The following PRPH2 variants were observed in gnomAD, a reference collection of about 807,000 sequenced individuals.
The protein encoded by PRPH2 is peripherin-2.
A neutral mutation model predicts 31.3 loss-of-function variants in PRPH2; 17 were observed. The observed-to-expected ratio is 0.54, with a 90% CI of 0.37 to 0.81. The LOEUF is 0.81. Among genes scored for constraint, PRPH2 ranks in the 40% least tolerant of loss-of-function variants. The pLI is 0.00. For synonymous variants in PRPH2, 165 were observed against 184.4 expected (o/e 0.89, Z 0.85); for missense variants, 430 against 439.7 (o/e 0.98, Z 0.20).
At chr6:42,706,539 A>G (rs1341657849) in intron 1 of PRPH2, among the ~76,000 whole-genome samples, 1 of 151,882 alleles carries the variant, frequency 6.6e-6, no homozygotes, top group Non-Finnish European at 1.5e-5. Flanking sequence ...CGAGACGCAG[A>G]GGTTGCAGTG....
Position 42,697,609 on chromosome 6 carries a change from A to G in PRPH2, c.*686T>C, listed in dbSNP as rs1231398995. On this transcript the variant is annotated 3_prime_UTR_variant, in exon 3 of 3. Transcript: ENST00000230381. ...CACTCCAGACTCAGTGACCGAGGGC[A>G]TGTGAATGGGACACAAAAGCAGGCC... 6.6e-6 allele frequency: 1 copy of G among 152,406 alleles called. No homozygotes were observed. The highest frequency in any genetic ancestry group is 2.4e-5 in the African/African-American group (1 of 41,436). 9.4% of individuals were successfully genotyped at this position (152,406 alleles called of 1,614,324 possible). A position where few individuals can be genotyped will look rare whatever the true frequency, so the allele number is the denominator to read the frequency against.
chr6:42,713,919 CAAAAAAAAAAAAAA>C (rs55805454), intron 1 of PRPH2, among the ~76,000 whole-genome samples: 933 of 38,188 alleles, frequency 0.024, 20 homozygotes, highest in African/African-American at 0.085. Context: ...GACTCCATCT[CAAAAAAAAAAAAAA>C]AAAAAAAAAA....
chr6:42,711,303 T>A (rs763323227), intron 1 of PRPH2, among the ~76,000 whole-genome samples: 14 of 152,224 alleles, frequency 9.2e-5, no homozygotes, highest in Non-Finnish European at 1.9e-4. Context: ...TCTCTACTCT[T>A]TATCAATTAT....
intron 1 of PRPH2, among the ~76,000 whole-genome samples, chr6:42,707,970 C>G (rs561021494): frequency 8.5e-5 from 13 of 152,334 alleles, no homozygotes; most frequent in Admixed American, 7.2e-4. Flanking sequence ...CCTCTGCTTC[C>G]TTATATTTGA....
intron 1 of PRPH2, among the ~76,000 whole-genome samples, chr6:42,719,173 T>C (rs1469617477): frequency 6.6e-6 from 1 of 151,890 alleles, no homozygotes; most frequent in East Asian, 1.9e-4. Flanking sequence ...CTTCCTTTTT[T>C]TTTTTTTTTC....
chr6:42,706,233 G>T (rs148280115), intron 1 of PRPH2, among the ~76,000 whole-genome samples: 3 of 151,848 alleles, frequency 2.0e-5, no homozygotes, highest in East Asian at 3.9e-4. Flanking sequence ...GTGAAACCCC[G>T]TCTCTACTAA....
At chr6:42,710,069 C>T (rs1464741911) in intron 1 of PRPH2, among the ~76,000 whole-genome samples, 2 of 152,186 alleles carry the variant, frequency 1.3e-5, no homozygotes, top group Non-Finnish European at 1.5e-5. Context: ...CACCTCGCCT[C>T]CCTGAGCCCC....
rs137853904 is a variant in PRPH2, at chr6:42,698,403, G to A, written c.933C>T (p.Ser311=). The A allele has an allele frequency of 3.0e-5, 48 of 1,613,804 alleles. No homozygotes were observed. Among genetic ancestry groups the A allele is most frequent in the African/African-American group, 1.7e-4 (13 of 75,034 alleles). Residue 311 remains serine, a synonymous_variant, in exon 3 of 3, where the codon AGC becomes AGT. Coordinates refer to ENST00000230381, the MANE Select transcript of PRPH2 (RefSeq NM_000322.5). ...GAAAGGCCTTCCAGGTCTCCGGCACGCTCCTCTCCAGCAGCCAGCCCTGGC... is the reference window on the plus strand; with the variant it reads ...GAAAGGCCTTCCAGGTCTCCGGCACACTCCTCTCCAGCAGCCAGCCCTGGC... The part of the protein sequence containing the change: ...SESQGWLLER[S]VPETWKAFLE...
At chr6:42,716,603 GT>G (rs1761786037) in intron 1 of PRPH2, among the ~76,000 whole-genome samples, 1 of 131,212 alleles carries the variant, frequency 7.6e-6, no homozygotes, top group African/African-American at 3.0e-5. Flanking sequence ...GTTTGGTTTG[GT>G]TTGGTTGGTT....
intron 2 of PRPH2, among the ~76,000 whole-genome samples, chr6:42,703,825 C>T (rs1454955575): frequency 2.0e-5 from 3 of 152,084 alleles, no homozygotes; most frequent in East Asian, 1.9e-4. Flanking sequence ...AATTGTCGGT[C>T]GGGTGCAGTG....
At position 42,722,066 on chromosome 6, in the gene PRPH2, T is replaced by C. The variant is rs772157862; in HGVS notation, c.269A>G (p.Lys90Arg). 3 of 1,614,080 alleles carry C rather than the reference T, an allele frequency of 1.9e-6. No individual in the cohort carries two copies. Among genetic ancestry groups the C allele is most frequent in the African/African-American group, 2.7e-5 (2 of 74,928 alleles). ...CAGCCAGGGCTTCCATCTGGCATACTTGGCTGGGTCCAGGGCGTCGTAGCA... is the reference window on the plus strand; with the variant it reads ...CAGCCAGGGCTTCCATCTGGCATACCTGGCTGGGTCCAGGGCGTCGTAGCA... ...KICYDALDPA[K>R]YARWKPWLKP... Residue 90 changes from lysine to arginine, a missense_variant, in exon 1 of 3, where the codon AAG becomes AGG. Coordinates refer to ENST00000230381, the MANE Select transcript of PRPH2 (RefSeq NM_000322.5). This position sits in a 1 kb window ranked among gnomAD's most constrained non-coding sequence, Gnocchi z 4.4.
chr6:42,707,480 G>A (rs1800189751), intron 1 of PRPH2, among the ~76,000 whole-genome samples: 1 of 152,184 alleles, frequency 6.6e-6, no homozygotes, highest in South Asian at 2.1e-4. Context: ...CCTGCTGGGG[G>A]CTGAGGTGGG....
At chr6:42,716,796 T>TTTCAGTAGAGACAGAGTTTC (rs1761791565) in intron 1 of PRPH2, among the ~76,000 whole-genome samples, 2 of 150,782 alleles carry the variant, frequency 1.3e-5, no homozygotes, top group Non-Finnish European at 3.0e-5. Flanking sequence ...AATTTTGTAT[T>TTTCAGTAGAGACAGAGTTTC]TTCAGTAGAG....
intron 1 of PRPH2, among the ~76,000 whole-genome samples, chr6:42,718,684 T>C (rs1291287727): frequency 6.6e-6 from 1 of 152,088 alleles, no homozygotes; most frequent in African/African-American, 2.4e-5. Context: ...GGTCTTACTC[T>C]GTCACCTAGG....
Position 42,698,300 on chromosome 6 carries a change from C to T in PRPH2, c.1036G>A (p.Gly346Ser). The T allele has an allele frequency of 6.2e-7, 1 of 1,613,940 alleles. No individual in the cohort carries two copies. The highest frequency in any genetic ancestry group is 8.5e-7 in the Non-Finnish European group (1 of 1,179,950). The change falls in exon 3 of 3, where the codon GGC (glycine) becomes AGC (serine). Residue 346 changes from glycine (G) to serine (S), a missense_variant. Physicochemically the swap from Gly to Ser is moderately conservative, Grantham distance 56. Transcript: ENST00000230381. The stretch of plus-strand genomic sequence containing the variant: ...GGGGAGGGGCCCCAGGGCCCTCAGC[C>T]AGCCTCTGGGGCCTGGCCTGCGTCT... ...GADAGQAPEAG is the reference protein window; with the variant it reads ...GADAGQAPEAS
In PRPH2 at chr6:42,701,682, A is replaced by ATTTT. The variant is rs70990127; in HGVS notation, c.828+2679_828+2682dup. On this transcript the variant is annotated intron_variant, in intron 2 of 2. Transcript: ENST00000230381. ...TAGGCATGCGCCACCACGTCCAGCA[A>ATTTT]TTTTTTTTTTTTTTTTTTTTTTTTT... Among the ~76,000 whole-genome samples the ATTTT allele has an allele frequency of 9.4e-3, 737 of 78,484 alleles. 72 individuals carry two copies. Among genetic ancestry groups the ATTTT allele is most frequent in the African/African-American group, 0.032 (638 of 20,020 alleles). 51.5% of individuals were successfully genotyped at this position (78,484 alleles called of 152,430 possible).
intron 2 of PRPH2, among the ~76,000 whole-genome samples, chr6:42,701,976 C>T (rs556979791): frequency 1.3e-5 from 2 of 152,096 alleles, no homozygotes; most frequent in African/African-American, 4.8e-5. Flanking sequence ...CGCAGTGGCT[C>T]ACGCCTGTAA....
At chr6:42,701,094 A>C (rs186174308) in intron 2 of PRPH2, among the ~76,000 whole-genome samples, 207 of 151,082 alleles carry the variant, frequency 1.4e-3, no homozygotes, top group Non-Finnish European at 2.6e-3. Context: ...CTCCTGCCTG[A>C]GCCAGGAGGA....
chr6:42,719,821 G>A (rs917793681), intron 1 of PRPH2, among the ~76,000 whole-genome samples: 19 of 151,984 alleles, frequency 1.3e-4, no homozygotes, highest in African/African-American at 3.9e-4. Flanking sequence ...CGCCCGCCTC[G>A]GCCTCCCAAA....
Sources: gnomAD v4.1 joint callset for allele counts (sites outside exome capture counted in the v4.1 genomes callset) on GRCh38, gnomAD v4.1.1 for gene constraint, Gnocchi (gnomAD v3.1) non-coding constraint, MANE v1.5 for transcripts, NCBI Gene and HGNC (gene_info 2026-07-23, HGNC 2026-07-21) for gene names.